Variants in GHR observed in about 807,000 individuals in gnomAD.
The protein encoded by GHR is GH receptor.
In GHR, 35 loss-of-function variants were observed where a neutral mutation model predicts 67.1. The ratio of observed to expected loss-of-function variants is 0.52; its 90% CI spans 0.40 to 0.69. The LOEUF is 0.69. Among genes scored for constraint, GHR ranks in the 30% least tolerant of loss-of-function variants. The pLI, the probability that GHR is intolerant of heterozygous loss-of-function variation, is 0.00. For synonymous variants in GHR, 272 were observed against 269.1 expected, an observed-to-expected ratio of 1.01 and a Z score of -0.10; for missense variants, 792 against 764.6, an observed-to-expected ratio of 1.04 and a Z score of -0.42.
intron 1 of GHR, among the ~76,000 whole-genome samples, chr5:42,563,469 T>A (rs1361946292): frequency 2.0e-5 from 3 of 151,690 alleles, no homozygotes; most frequent in East Asian, 3.9e-4. Context: ...ACAAAAAAAA[T>A]TAGCCGGGCG....
chr5:42,610,074 T>C (rs1275061103), intron 2 of GHR, among the ~76,000 whole-genome samples: 1 of 152,180 alleles, frequency 6.6e-6, no homozygotes, highest in African/African-American at 2.4e-5. Context: ...TCTTCTTTTT[T>C]TATTCATGTG....
intron 5 of GHR, among the ~76,000 whole-genome samples, chr5:42,696,782 G>A (rs1757693974): frequency 6.6e-6 from 1 of 152,182 alleles, no homozygotes; most frequent in Non-Finnish European, 1.5e-5. Context: ...GTCTTACCAT[G>A]TGTCAGGTAT....
chr5:42,465,257 A>G, intron 1 of GHR: 5 of 605,840 alleles, frequency 8.3e-6, no homozygotes. Flanking sequence ...ATTTGGACAG[A>G]AAGAATTTGA....
intron 1 of GHR, among the ~76,000 whole-genome samples, chr5:42,446,566 G>C (rs1743815388): frequency 6.6e-6 from 1 of 152,178 alleles, no homozygotes; most frequent in African/African-American, 2.4e-5. Context: ...GATCAGATTT[G>C]TTATTTTAGC....
chr5:42,705,595 A>T (rs10041130), intron 6 of GHR, among the ~76,000 whole-genome samples: 106,051 of 151,866 alleles, frequency 0.7, 37,829 homozygotes, highest in East Asian at 0.86. Flanking sequence ...CTGTGGTTTC[A>T]GTCTTCGTGT....
intron 1 of GHR, among the ~76,000 whole-genome samples, chr5:42,538,610 C>A (rs78932774): frequency 0.017 from 2,593 of 152,166 alleles, 149 homozygotes; most frequent in East Asian, 0.12. Context: ...TCTTAGAATT[C>A]TTTCTTTTGT....
chr5:42,445,424 A>G (rs1174466055), intron 1 of GHR, among the ~76,000 whole-genome samples: 1 of 152,220 alleles, frequency 6.6e-6, no homozygotes, highest in Non-Finnish European at 1.5e-5. Context: ...ATTAGTAGTG[A>G]TGTTATCAGA....
chr5:42,639,683 C>G (rs1561188845), intron 3 of GHR, among the ~76,000 whole-genome samples: 1 of 152,190 alleles, frequency 6.6e-6, no homozygotes. Flanking sequence ...CTTACTCTGA[C>G]AGAAGTTTTT....
intron 3 of GHR, among the ~76,000 whole-genome samples, chr5:42,640,213 C>T (rs964943498): frequency 6.6e-5 from 10 of 152,258 alleles, no homozygotes; most frequent in South Asian, 6.2e-4. Context: ...ATTGGTCCCA[C>T]AGGCTATGTG....
chr5:42,512,241 G>A (rs934674125), intron 1 of GHR, among the ~76,000 whole-genome samples: 15 of 152,098 alleles, frequency 9.9e-5, no homozygotes, highest in Non-Finnish European at 1.9e-4. Context: ...TGAGAAAATG[G>A]ACTCAGGGGT....
intron 2 of GHR, among the ~76,000 whole-genome samples, chr5:42,575,439 A>T (rs746279774): frequency 1.5e-4 from 23 of 152,144 alleles, no homozygotes; most frequent in Non-Finnish European, 3.2e-4. Context: ...AAGCGATAGG[A>T]GAGTCAGAAA....
At chr5:42,708,404 T>TCTCACTCTC (rs1280240719) in intron 6 of GHR, among the ~76,000 whole-genome samples, 5 of 152,176 alleles carry the variant, frequency 3.3e-5, no homozygotes, top group Admixed American at 3.3e-4. Context: ...GTATCACTCT[T>TCTCACTCTC]CTCACTCTCT....
chr5:42,538,541 T>C (rs1224859224), intron 1 of GHR, among the ~76,000 whole-genome samples: 1 of 152,192 alleles, frequency 6.6e-6, no homozygotes, highest in Non-Finnish European at 1.5e-5. Context: ...TGATGAGAAA[T>C]CTGCTGCTAA....
chr5:42,715,011 GA>G (rs764307352), intron 8 of GHR: 93 of 361,394 alleles, frequency 2.6e-4, no homozygotes, highest in Middle Eastern at 1.6e-3. Flanking sequence ...ACAATATTAG[GA>G]AGAAAAAATT....
Position 42,719,016 on chromosome 5 carries a change from G to A in GHR, c.1509G>A (p.Pro503=), listed in dbSNP as rs377699543. The change falls in exon 10 of 10, where the codon CCG becomes CCA. Residue 503 remains proline, a synonymous_variant. Transcript: ENST00000230882. The part of the protein sequence containing the change: ...ITPAGSVVLS[P]GQKNKAGMSQ... ...CAGCAGGTAGTGTGGTCCTTTCCCC[G>A]GGCCAAAAGAATAAGGCAGGGATGT... The A allele has an allele frequency of 5.9e-5, 95 of 1,606,324 alleles. No individual in the cohort carries two copies. The highest frequency in any genetic ancestry group is 5.4e-4 in the African/African-American group (40 of 74,766).
At chr5:42,695,816 C>G (rs146100608) in intron 5 of GHR, among the ~76,000 whole-genome samples, 9 of 152,302 alleles carry the variant, frequency 5.9e-5, no homozygotes, top group African/African-American at 2.2e-4. Context: ...GCCTCAAAAT[C>G]TATCCACAAA....
At chr5:42,505,135 T>TC (rs1746711478) in intron 1 of GHR, among the ~76,000 whole-genome samples, 1 of 151,130 alleles carries the variant, frequency 6.6e-6, no homozygotes, top group Non-Finnish European at 1.5e-5. Context: ...TTTTTTTTTT[T>TC]TTCTTTCTTT....
At chr5:42,654,289 A>G (rs1383084559) in intron 3 of GHR, among the ~76,000 whole-genome samples, 2 of 152,276 alleles carry the variant, frequency 1.3e-5, no homozygotes, top group African/African-American at 2.4e-5. Flanking sequence ...TTTCTTGAGC[A>G]TTAAACGTCT....
At chr5:42,447,974 C>G (rs1347151051) in intron 1 of GHR, among the ~76,000 whole-genome samples, 1 of 151,926 alleles carries the variant, frequency 6.6e-6, no homozygotes, top group Non-Finnish European at 1.5e-5. Context: ...GTTGGCCTGG[C>G]TGGTCTCAAA....
Sources: gnomAD v4.1 joint callset for allele counts (sites outside exome capture counted in the v4.1 genomes callset) on GRCh38, gnomAD v4.1.1 for gene constraint, MANE v1.5 for transcripts, NCBI Gene and HGNC (gene_info 2026-07-23, HGNC 2026-07-21) for gene names.